ANKRD44: variants seen among roughly 807,000 people sequenced by gnomAD.
ANKRD44 encodes the protein serine/threonine-protein phosphatase 6 regulatory ankyrin repeat subunit B.
In ANKRD44, 35 loss-of-function variants were observed where a neutral mutation model predicts 116.0. The observed-to-expected ratio is 0.30, with a 90% CI of 0.23 to 0.40. The LOEUF (loss-of-function observed/expected upper bound fraction) is 0.40, where lower values mean the gene tolerates loss of function less well. Ranked by LOEUF, ANKRD44 falls within the 10% of genes least tolerant of loss-of-function variation. The pLI, the probability that ANKRD44 is intolerant of heterozygous loss-of-function variation, is 1.00. For missense variants in ANKRD44, 1,014 were observed against 1,242.6 expected, an observed-to-expected ratio of 0.82 and a Z score of 2.77; for synonymous variants, 435 against 461.8, an observed-to-expected ratio of 0.94 and a Z score of 0.74.
At chr2:197,131,283 C>T (rs1259386374) in intron 4 of ANKRD44, among the ~76,000 whole-genome samples, 6 of 151,576 alleles carry the variant, frequency 4.0e-5, no homozygotes. Context: ...GCTCCGCCTC[C>T]CGGGTTCACG....
downstream of ANKRD44, among the ~76,000 whole-genome samples, chr2:196,985,695 A>G (rs1277784686): frequency 6.6e-6 from 1 of 152,180 alleles, no homozygotes; most frequent in Non-Finnish European, 1.5e-5. Context: ...CTGGACTGTA[A>G]TAACTGCTAA....
chr2:197,038,987 G>C (rs1469574284), intron 16 of ANKRD44, among the ~76,000 whole-genome samples: 1 of 152,128 alleles, frequency 6.6e-6, no homozygotes, highest in Non-Finnish European at 1.5e-5. Flanking sequence ...TATTTTGGAG[G>C]TCCCACAGCA....
chr2:197,258,460 A>G (rs1361672656), intron 1 of ANKRD44, among the ~76,000 whole-genome samples: 4 of 152,002 alleles, frequency 2.6e-5, no homozygotes, highest in African/African-American at 9.7e-5. Context: ...ATATTCACAT[A>G]TATCACATTT....
At chr2:197,176,820 T>C (rs1239885911) in intron 2 of ANKRD44, among the ~76,000 whole-genome samples, 1 of 152,136 alleles carries the variant, frequency 6.6e-6, no homozygotes, top group Non-Finnish European at 1.5e-5. Context: ...TGCAACCTCC[T>C]GGTAAAAAAT....
rs138514509 is a variant in ANKRD44, at chr2:197,246,656, G to A, written c.28-59550C>T. ...TGTAGCCACCTTACCCTGTGTTGCT[G>A]CTAGATTTATCTTCCTGACACACAT... On this transcript the variant is annotated intron_variant, in intron 1 of 27. Transcript: ENST00000282272. 8.9e-4 allele frequency among the ~76,000 whole-genome samples: 135 copies of A among 152,108 alleles called. No homozygotes were observed. The Middle Eastern group carries it at 0.048, about 54-fold the overall frequency.
chr2:197,302,886 G>T (rs1362966605), intron 1 of ANKRD44, among the ~76,000 whole-genome samples: 15 of 152,220 alleles, frequency 9.9e-5, no homozygotes, highest in Admixed American at 9.8e-4. Context: ...ATAGGATTTT[G>T]CCTGGGAGGA....
intron 1 of ANKRD44, among the ~76,000 whole-genome samples, chr2:197,291,850 T>C (rs2083578280): frequency 1.3e-5 from 2 of 152,048 alleles, no homozygotes; most frequent in South Asian, 4.2e-4. Context: ...CAGGCCCCAG[T>C]GTGTGATGTT....
At chr2:197,062,467 T>C (rs1201408222) in intron 16 of ANKRD44, among the ~76,000 whole-genome samples, 1 of 152,222 alleles carries the variant, frequency 6.6e-6, no homozygotes, top group Non-Finnish European at 1.5e-5. Context: ...GTTTATAAAA[T>C]TGGATACCCT....
At chr2:197,067,970 G>T (rs1393744974) in intron 16 of ANKRD44, among the ~76,000 whole-genome samples, 4 of 151,440 alleles carry the variant, frequency 2.6e-5, no homozygotes, top group African/African-American at 7.3e-5. Flanking sequence ...CCAAATGTCC[G>T]ACAATGATAG....
chr2:197,109,196 A>AG (rs1212748178), intron 9 of ANKRD44, among the ~76,000 whole-genome samples: 1 of 152,226 alleles, frequency 6.6e-6, no homozygotes, highest in African/African-American at 2.4e-5. Context: ...TTGTTTTTAA[A>AG]GGGGGGTGGA....
intron 1 of ANKRD44, among the ~76,000 whole-genome samples, chr2:197,195,044 T>C (rs538685973): frequency 3.3e-5 from 5 of 152,300 alleles, no homozygotes; most frequent in African/African-American, 1.2e-4. Context: ...TGCAATCATA[T>C]AGCTCATTAC....
chr2:197,000,746 A>G (rs944986567), intron 22 of ANKRD44, among the ~76,000 whole-genome samples: 2 of 152,230 alleles, frequency 1.3e-5, no homozygotes, highest in Non-Finnish European at 2.9e-5. Context: ...TTTTGGAGAC[A>G]TCAAAGTGGA....
chr2:197,164,163 T>TCC (rs1210705239), intron 2 of ANKRD44, among the ~76,000 whole-genome samples: 3 of 152,192 alleles, frequency 2.0e-5, no homozygotes, highest in African/African-American at 7.2e-5. Context: ...GTGGGGAAGT[T>TCC]CCATTCCCGG....
At chr2:197,293,953 G>C (rs2083643450) in intron 1 of ANKRD44, among the ~76,000 whole-genome samples, 1 of 152,164 alleles carries the variant, frequency 6.6e-6, no homozygotes, top group Non-Finnish European at 1.5e-5. Context: ...AATGACACGT[G>C]ATTTTATAAG....
At chr2:196,974,580 C>T (rs1408082114) in intron 21 of ANKRD44, among the ~76,000 whole-genome samples, 1 of 151,926 alleles carries the variant, frequency 6.6e-6, no homozygotes, top group Non-Finnish European at 1.5e-5. Flanking sequence ...ATTCAATAAC[C>T]TAACAACCTT....
In ANKRD44 at chr2:196,989,588, G is replaced by A; in HGVS notation, c.*3C>T. On this transcript the variant is annotated 3_prime_UTR_variant, in exon 28 of 28. Coordinates refer to ENST00000282272, the MANE Select transcript of ANKRD44 (RefSeq NM_001195144.2). ...TGTGTATGTGCATAATTTTTAAAGA[G>A]TCTCATTCTTCTTTTTGTACAGCGG... 1 of 1,549,830 alleles carries A rather than the reference G, an allele frequency of 6.5e-7. No individual in the cohort carries two copies. Among genetic ancestry groups the A allele is most frequent in the Non-Finnish European group, 8.7e-7 (1 of 1,146,580 alleles).
At chr2:197,248,463 A>G (rs1034222520) in intron 1 of ANKRD44, among the ~76,000 whole-genome samples, 6 of 151,536 alleles carry the variant, frequency 4.0e-5, no homozygotes, top group South Asian at 4.2e-4. Flanking sequence ...AAAAAATTAT[A>G]TATATATATT....
chr2:197,254,652 T>C (rs1017526834), intron 1 of ANKRD44, among the ~76,000 whole-genome samples: 1 of 150,550 alleles, frequency 6.6e-6, no homozygotes, highest in African/African-American at 2.4e-5. Context: ...TGCTTTAATA[T>C]TAAAATCATG....
chr2:197,007,532 AACCAATTTC>A (rs1287961805), intron 20 of ANKRD44, among the ~76,000 whole-genome samples: 2 of 152,236 alleles, frequency 1.3e-5, no homozygotes, highest in Admixed American at 1.3e-4. Context: ...CAGAAAGCAG[AACCAATTTC>A]ACCAGCAGTA....
Sources: allele counts gnomAD v4.1 joint callset (sites outside exome capture counted in the v4.1 genomes callset), GRCh38; gene constraint gnomAD v4.1.1; transcripts MANE v1.5; gene names NCBI Gene and HGNC (gene_info 2026-07-23, HGNC 2026-07-21).